The following PTER variants were observed in gnomAD, a reference collection of about 807,000 sequenced individuals.
PTER encodes phosphotriesterase related.
PTER carries 38 observed loss-of-function variants against 29.6 expected under a neutral mutation model. The ratio of observed to expected loss-of-function variants is 1.28; its 90% CI spans 0.99 to 1.68. The LOEUF is 1.68. Ranked by LOEUF, PTER falls within the 40% of genes most tolerant of loss-of-function variation. The pLI is 0.00. For synonymous variants in PTER, 172 were observed against 154.5 expected (o/e 1.11, Z -0.84); for missense variants, 482 against 427.8 (o/e 1.13, Z -1.12).
chr10:16,484,658 G>A lies in PTER; in HGVS notation c.274G>A (p.Gly92Arg), dbSNP rs780116699. Residue 92 changes from glycine (G) to arginine (R), a missense_variant, in exon 2 of 5, where the codon GGA becomes AGA. Coordinates refer to ENST00000535784, the MANE Select transcript of PTER (RefSeq NM_001261836.2). Reference sequence around the variant, plus strand: ...ACTGTTGTATTTTAAAGCTAATGGTGGAGGGGCTTTGGTGGAAAACACAAC... The same window carrying A: ...ACTGTTGTATTTTAAAGCTAATGGTAGAGGGGCTTTGGTGGAAAACACAAC... ...EELLYFKANG[G>R]GALVENTTTG... 19 of 1,614,156 alleles carry A rather than the reference G, an allele frequency of 1.2e-5. No individual in the cohort carries two copies. Among genetic ancestry groups the A allele is most frequent in the East Asian group, 8.9e-5 (4 of 44,880 alleles).
chr10:16,461,876 C>G (rs997974344), intron 1 of PTER, among the ~76,000 whole-genome samples: 1 of 151,964 alleles, frequency 6.6e-6, no homozygotes, highest in African/African-American at 2.4e-5. Context: ...CTTTTTAAGA[C>G]TTGAGTGATA....
At chr10:16,466,661 C>T (rs909370772) in intron 1 of PTER, among the ~76,000 whole-genome samples, 3 of 152,268 alleles carry the variant, frequency 2.0e-5, no homozygotes, top group South Asian at 2.1e-4. Flanking sequence ...TGGCCTGATT[C>T]TTTTCAACTC....
chr10:16,485,198 C>A (rs189863948), intron 2 of PTER, among the ~76,000 whole-genome samples: 34 of 152,090 alleles, frequency 2.2e-4, no homozygotes, highest in African/African-American at 7.7e-4. Flanking sequence ...GATTTTTTTT[C>A]ACCCTGGATT....
chr10:16,464,865 G>A (rs910024813), intron 1 of PTER, among the ~76,000 whole-genome samples: 2 of 152,144 alleles, frequency 1.3e-5, no homozygotes, highest in Non-Finnish European at 2.9e-5. Flanking sequence ...AGGTTTAATT[G>A]ACTCACTGTT....
At chr10:16,439,108 C>T (rs949348555) in intron 1 of PTER, among the ~76,000 whole-genome samples, 4 of 151,800 alleles carry the variant, frequency 2.6e-5, no homozygotes, top group Non-Finnish European at 5.9e-5. Context: ...GTCATATTTG[C>T]TGCTGAAATT....
chr10:16,511,340 C>A lies in PTER; in HGVS notation c.*84C>A. On this transcript the variant is annotated 3_prime_UTR_variant, in exon 5 of 5. Transcript: ENST00000535784. ...TTCCAGTCCACTGTGAGATATTAAT[C>A]AGTTACCTAGGACTAATGACAGATC... The A allele has an allele frequency of 8.0e-7, 1 of 1,246,358 alleles. No individual in the cohort carries two copies. The highest frequency in any genetic ancestry group is 1.2e-6 in the Non-Finnish European group (1 of 858,962). 77.2% of individuals were successfully genotyped at this position (1,246,358 alleles called of 1,614,324 possible).
intron 1 of PTER, chr10:16,437,582 C>G (rs1041437069): frequency 9.2e-5 from 14 of 152,136 alleles, no homozygotes; most frequent in African/African-American, 3.4e-4. Context: ...TGGGCTCAAT[C>G]AGTCTGCTGC....
intron 1 of PTER, among the ~76,000 whole-genome samples, chr10:16,479,782 G>A (rs1018197369): frequency 9.2e-5 from 14 of 151,732 alleles, no homozygotes; most frequent in Non-Finnish European, 1.6e-4. Flanking sequence ...ATTTTTTCTG[G>A]ATAATAGCGA....
chr10:16,492,142 A>G (rs1238247675), intron 3 of PTER, among the ~76,000 whole-genome samples: 1 of 152,212 alleles, frequency 6.6e-6, no homozygotes, highest in Non-Finnish European at 1.5e-5. Context: ...GCTTGACAAG[A>G]TAAATCTGCT....
At chr10:16,499,609 A>G (rs1588627216) in intron 3 of PTER, among the ~76,000 whole-genome samples, 1 of 151,512 alleles carries the variant, frequency 6.6e-6, no homozygotes, top group African/African-American at 2.4e-5. Context: ...CACCTGGCTG[A>G]TTTTTTGTAT....
chr10:16,510,244 A>C (rs951955819), intron 4 of PTER, among the ~76,000 whole-genome samples: 2 of 152,232 alleles, frequency 1.3e-5, no homozygotes, highest in Non-Finnish European at 2.9e-5. Flanking sequence ...CTCACACTAC[A>C]GATTCCAGCA....
Position 16,477,649 on chromosome 10 carries a change from A to C in PTER, c.-48-6688A>C, listed in dbSNP as rs563988339. ...TCACAGATGGGAAAAACAGGTGTGG[A>C]GTGGTTAACCAAGTTGCCCAAACCC... On this transcript the variant is annotated intron_variant, in intron 1 of 4. Transcript: ENST00000535784. Among the ~76,000 whole-genome samples the C allele has an allele frequency of 3.3e-5, 5 of 152,314 alleles. No homozygotes were observed. In the East Asian group the frequency reaches 9.6e-4, roughly 29 times the overall value.
chr10:16,492,601 A>G (rs908719511), intron 3 of PTER, among the ~76,000 whole-genome samples: 1 of 152,214 alleles, frequency 6.6e-6, no homozygotes, highest in African/African-American at 2.4e-5. Context: ...GTAAAACAGC[A>G]TGGCTGGCAG....
chr10:16,453,380 A>ATG (rs2133377299), intron 1 of PTER, among the ~76,000 whole-genome samples: 1 of 152,306 alleles, frequency 6.6e-6, no homozygotes, highest in African/African-American at 2.4e-5. Context: ...ACATATATAT[A>ATG]ATACATATAT....
intron 1 of PTER, 121 bp downstream of exon 1, chr10:16,437,168 G>T (rs749667696): frequency 6.6e-6 from 1 of 152,206 alleles, no homozygotes; most frequent in Non-Finnish European, 1.5e-5. Flanking sequence ...GGGTCCTGCC[G>T]GAAGGAAGGA....
At chr10:16,495,581 C>A (rs985343156) in intron 3 of PTER, among the ~76,000 whole-genome samples, 1 of 152,026 alleles carries the variant, frequency 6.6e-6, no homozygotes, top group Non-Finnish European at 1.5e-5. Context: ...TATTTGTATG[C>A]CAATTTTTAA....
chr10:16,473,897 A>C (rs1036737175), intron 1 of PTER, among the ~76,000 whole-genome samples: 2 of 152,190 alleles, frequency 1.3e-5, no homozygotes, highest in Admixed American at 6.5e-5. Flanking sequence ...AAGCAAGTAA[A>C]ATGATACCTA....
chr10:16,514,997 A>T (rs1836927411), downstream of PTER, among the ~76,000 whole-genome samples: 1 of 151,970 alleles, frequency 6.6e-6, no homozygotes, highest in Admixed American at 6.6e-5. Context: ...TTCCTGTATC[A>T]CTCGTTTTTC....
chr10:16,476,867 G>A (rs1835285076), intron 1 of PTER, among the ~76,000 whole-genome samples: 1 of 149,132 alleles, frequency 6.7e-6, no homozygotes, highest in Non-Finnish European at 1.5e-5. Context: ...CTGGCATTGG[G>A]GTTTTATTCA....
Sources: gnomAD v4.1 joint callset for allele counts (sites outside exome capture counted in the v4.1 genomes callset) on GRCh38, gnomAD v4.1.1 for gene constraint, MANE v1.5 for transcripts, NCBI Gene and HGNC (gene_info 2026-07-23, HGNC 2026-07-21) for gene names.